Variants in FAM135B observed in about 807,000 individuals in gnomAD.
The protein encoded by FAM135B is family with sequence similarity 135 member B, also known as protein FAM135B.
Under a neutral mutation model 127.7 loss-of-function variants are expected in FAM135B, and 43 were observed. The ratio of observed to expected loss-of-function variants is 0.34; its 90% CI spans 0.26 to 0.43. FAM135B has a LOEUF of 0.43. Among genes scored for constraint, FAM135B ranks in the 20% least tolerant of loss-of-function variants. The pLI is 1.00. For synonymous variants in FAM135B, 670 were observed against 665.1 expected (o/e 1.01, Z -0.11); for missense variants, 1,558 against 1,725.6 (o/e 0.90, Z 1.72).
At chr8:138,458,612 A>C (rs979244377) in intron 1 of FAM135B, among the ~76,000 whole-genome samples, 6 of 152,290 alleles carry the variant, frequency 3.9e-5, no homozygotes, top group African/African-American at 9.6e-5. Context: ...ACTCTGGCCC[A>C]CGGTCTATTT....
At chr8:138,259,848 T>C (rs890492567) in intron 4 of FAM135B, among the ~76,000 whole-genome samples, 9 of 152,162 alleles carry the variant, frequency 5.9e-5, no homozygotes, top group African/African-American at 2.2e-4. Context: ...ACATACCTTA[T>C]AGGTATAAGA....
chr8:138,347,795 G>T (rs1369725920), intron 2 of FAM135B, among the ~76,000 whole-genome samples: 1 of 152,058 alleles, frequency 6.6e-6, no homozygotes, highest in Non-Finnish European at 1.5e-5. Context: ...CTCACAACGG[G>T]CAGCCAAGCT....
At position 138,241,732 on chromosome 8, in the gene FAM135B, T is replaced by C. The variant is rs190649392; in HGVS notation, c.669+1210A>G. 1.3e-5 allele frequency among the ~76,000 whole-genome samples: 2 copies of C among 152,344 alleles called. No homozygotes were observed. The highest frequency in any genetic ancestry group is 4.8e-5 in the African/African-American group (2 of 41,586). ...CAGAAATTAGTAGTGATAGTTACTA[T>C]TAATGTGACAGTTACTTTTACGTGT... On this transcript the variant is annotated intron_variant, in intron 7 of 19. Transcript: ENST00000395297. The surrounding 1 kb of genome is among the most constrained non-coding windows in gnomAD (Gnocchi z 4.8).
intron 12 of FAM135B, among the ~76,000 whole-genome samples, chr8:138,165,414 C>T (rs568164020): frequency 0.014 from 2,112 of 152,204 alleles, 39 homozygotes; most frequent in Middle Eastern, 0.051. Context: ...GCCACTGTGA[C>T]TGGCCAAGGG....
intron 1 of FAM135B, among the ~76,000 whole-genome samples, chr8:138,376,033 G>A (rs549835076): frequency 3.3e-5 from 5 of 152,174 alleles, no homozygotes; most frequent in East Asian, 1.9e-4. Flanking sequence ...TCACTCTGTC[G>A]CCCAAGCTGG....
chr8:138,278,028 C>T (rs1823966786), intron 3 of FAM135B, among the ~76,000 whole-genome samples: 5 of 152,012 alleles, frequency 3.3e-5, no homozygotes, highest in Admixed American at 3.3e-4. Context: ...CAGGTATATG[C>T]CCCTTGTGCT....
At chr8:138,336,820 A>G (rs1053140870) in intron 2 of FAM135B, among the ~76,000 whole-genome samples, 173 of 152,330 alleles carry the variant, frequency 1.1e-3, no homozygotes, top group African/African-American at 3.9e-3. Context: ...AGAATTTTAG[A>G]CAAATATCCC....
At chr8:138,355,913 T>C (rs1830062126) in intron 2 of FAM135B, among the ~76,000 whole-genome samples, 1 of 152,176 alleles carries the variant, frequency 6.6e-6, no homozygotes, top group Non-Finnish European at 1.5e-5. Context: ...CCTAACGGTG[T>C]TAAGAGGTGA....
chr8:138,187,203 A>C (rs377043778), intron 9 of FAM135B, among the ~76,000 whole-genome samples: 2 of 152,230 alleles, frequency 1.3e-5, no homozygotes, highest in Admixed American at 1.3e-4. Flanking sequence ...CTTACTCCCA[A>C]ACATATTTCT....
At chr8:138,157,997 C>G (rs1432338867) in intron 12 of FAM135B, among the ~76,000 whole-genome samples, 1 of 152,168 alleles carries the variant, frequency 6.6e-6, no homozygotes, top group Non-Finnish European at 1.5e-5. Flanking sequence ...CCAAGTCAAT[C>G]CTAAGACAAA....
chr8:138,330,812 A>G (rs1055678269), intron 2 of FAM135B, among the ~76,000 whole-genome samples: 1 of 152,090 alleles, frequency 6.6e-6, no homozygotes, highest in African/African-American at 2.4e-5. Flanking sequence ...TGATCTCCAG[A>G]ATAAGCTGTC....
intron 4 of FAM135B, among the ~76,000 whole-genome samples, chr8:138,258,209 C>T (rs1429001864): frequency 6.6e-6 from 1 of 152,132 alleles, no homozygotes; most frequent in African/African-American, 2.4e-5. Context: ...TTTCCCAATC[C>T]CCACCTTTTT....
chr8:138,142,536 C>T (rs13279960), intron 16 of FAM135B, among the ~76,000 whole-genome samples: 61,154 of 151,356 alleles, frequency 0.4, 12,557 homozygotes, highest in East Asian at 0.52. Context: ...GATCTCCTGA[C>T]CTCGTGATCC....
intron 1 of FAM135B, among the ~76,000 whole-genome samples, chr8:138,471,242 T>C (rs1490424975): frequency 6.6e-6 from 1 of 152,024 alleles, no homozygotes; most frequent in Non-Finnish European, 1.5e-5. Flanking sequence ...TTAGTCTTTA[T>C]GAAACTGCAA....
chr8:138,287,937 C>T (rs886706648), intron 3 of FAM135B, among the ~76,000 whole-genome samples: 23 of 152,162 alleles, frequency 1.5e-4, no homozygotes, highest in Admixed American at 1.2e-3. Context: ...TCTTGGATTC[C>T]GGTAATAATC....
chr8:138,165,572 C>G (rs1354338921), intron 12 of FAM135B, among the ~76,000 whole-genome samples: 2 of 152,130 alleles, frequency 1.3e-5, no homozygotes, highest in Non-Finnish European at 2.9e-5. Context: ...AATGATAATA[C>G]TAGAGGATCT....
intron 2 of FAM135B, chr8:138,358,335 T>G (rs1830216469): frequency 6.6e-6 from 1 of 152,170 alleles, no homozygotes; most frequent in African/African-American, 2.4e-5. Context: ...AAGTATAAAG[T>G]ACCTGCATAA....
chr8:138,375,108 C>T (rs1251737392), intron 1 of FAM135B, among the ~76,000 whole-genome samples: 1 of 152,026 alleles, frequency 6.6e-6, no homozygotes, highest in East Asian at 1.9e-4. Flanking sequence ...CCTGCTGCTG[C>T]ATCTGCCTGT....
chr8:138,230,668 C>T (rs916596366), intron 7 of FAM135B, among the ~76,000 whole-genome samples: 28 of 152,242 alleles, frequency 1.8e-4, no homozygotes, highest in African/African-American at 6.5e-4. Flanking sequence ...AGACTGTTCA[C>T]CATTATTCTT....
Sources: gnomAD v4.1 joint callset for allele counts (sites outside exome capture counted in the v4.1 genomes callset) on GRCh38, gnomAD v4.1.1 for gene constraint, Gnocchi (gnomAD v3.1) non-coding constraint, MANE v1.5 for transcripts, NCBI Gene and HGNC (gene_info 2026-07-23, HGNC 2026-07-21) for gene names.